DCAF17: variants seen among roughly 807,000 people sequenced by gnomAD.
DCAF17 encodes the protein DDB1- and CUL4-associated factor 17.
DCAF17 carries 48 observed loss-of-function variants against 66.0 expected under a neutral mutation model. That is an observed-to-expected ratio of 0.73 (90% CI 0.58 to 0.92). The LOEUF (loss-of-function observed/expected upper bound fraction) is 0.92, where lower values mean the gene tolerates loss of function less well. Ranked by LOEUF, DCAF17 falls within the 40% of genes least tolerant of loss-of-function variation. DCAF17 has a pLI of 0.00. For missense variants in DCAF17, 562 were observed against 622.8 expected, an observed-to-expected ratio of 0.90 and a Z score of 1.04; for synonymous variants, 206 against 214.6, an observed-to-expected ratio of 0.96 and a Z score of 0.35.
rs1258868577 is a variant in DCAF17, at chr2:171,483,405, C to T, written c.*2291C>T. The T allele has an allele frequency of 6.6e-6, 3 of 453,962 alleles. No homozygotes were observed. The highest frequency in any genetic ancestry group is 6.9e-5 in the East Asian group (1 of 14,404). 28.1% of individuals were successfully genotyped at this position (453,962 alleles called of 1,614,324 possible). ...CTTCCATCAGCAGGTACAGACGTTA[C>T]GCTGAAAAGAGGTGCATTCTGCATT... On this transcript the variant is annotated 3_prime_UTR_variant, in exon 14 of 14. Coordinates refer to ENST00000375255, the MANE Select transcript of DCAF17 (RefSeq NM_025000.4).
chr2:171,457,729 A>C (rs975067691), intron 6 of DCAF17, among the ~76,000 whole-genome samples: 1 of 152,208 alleles, frequency 6.6e-6, no homozygotes, highest in Non-Finnish European at 1.5e-5. Context: ...ATGCTGGTGC[A>C]TTATTCTGAG....
At chr2:171,471,322 T>A (rs1040953569) in intron 9 of DCAF17, among the ~76,000 whole-genome samples, 1 of 152,212 alleles carries the variant, frequency 6.6e-6, no homozygotes, top group Non-Finnish European at 1.5e-5. Flanking sequence ...TCAGAAAATG[T>A]TTCATAGCTT....
Position 171,448,772 on chromosome 2 carries a change from G to T in DCAF17, c.413G>T (p.Gly138Val). The T allele has an allele frequency of 6.2e-7, 1 of 1,613,078 alleles. No homozygotes were observed. Among genetic ancestry groups the T allele is most frequent in the Non-Finnish European group, 8.5e-7 (1 of 1,179,488 alleles). ...CTACTTCGTATATCAGCAACTACGG[G>T]AAAAATCCTTGAGAAAATATATCTT... ...NWLLRISATT[G>V]KILEKIYLAP... The change falls in exon 4 of 14, where the codon GGA becomes GTA. Residue 138 changes from glycine to valine, a missense_variant. By Grantham distance (109) the Gly-to-Val change is moderately radical. This residue lies in a region of DCAF17 where 348 missense variants were observed against 355.9 expected (regional missense o/e 0.98). Transcript: ENST00000375255.
chr2:171,457,827 A>G, intron 6 of DCAF17, 144 bp from the exon 7 acceptor site: 1 of 783,646 alleles, frequency 1.3e-6, no homozygotes, highest in Non-Finnish European at 2.3e-6. Flanking sequence ...CCTCAAGGTG[A>G]TAAATTATAA....
intron 2 of DCAF17, 134 bp from the exon 3 acceptor site, chr2:171,443,389 T>C (rs2105736822): frequency 1.6e-6 from 1 of 643,146 alleles, no homozygotes; most frequent in Non-Finnish European, 2.6e-6. Context: ...AAAATATTAA[T>C]ATTTAGTTAA....
intron 8 of DCAF17, among the ~76,000 whole-genome samples, chr2:171,467,289 T>C (rs923667742): frequency 1.3e-5 from 2 of 152,242 alleles, no homozygotes; most frequent in African/African-American, 4.8e-5. Flanking sequence ...AGGTACATGA[T>C]GAGTGCATCA....
chr2:171,437,822 G>A (rs1694059787), intron 2 of DCAF17, among the ~76,000 whole-genome samples: 1 of 151,896 alleles, frequency 6.6e-6, no homozygotes, highest in African/African-American at 2.4e-5. Context: ...AACAGCTTTT[G>A]GTTTTGTTGA....
At chr2:171,464,676 G>C (rs1394865706) in intron 8 of DCAF17, among the ~76,000 whole-genome samples, 1 of 152,114 alleles carries the variant, frequency 6.6e-6, no homozygotes, top group African/African-American at 2.4e-5. Context: ...TGTGTTCATT[G>C]CAGTTGGATA....
At chr2:171,474,548 C>T (rs1696407951) in intron 10 of DCAF17, among the ~76,000 whole-genome samples, 1 of 152,204 alleles carries the variant, frequency 6.6e-6, no homozygotes, top group Admixed American at 6.5e-5. Context: ...CTTAAGCCCT[C>T]TTCTTTTCTC....
At chr2:171,479,970 C>G in intron 12 of DCAF17, 68 bp from the exon 13 acceptor site, 2 of 1,552,152 alleles carry the variant, frequency 1.3e-6, no homozygotes, top group Non-Finnish European at 1.8e-6. Context: ...ACTATAAATA[C>G]AGAAATAAGC....
At chr2:171,436,407 T>C (rs1693956346) in intron 2 of DCAF17, among the ~76,000 whole-genome samples, 1 of 152,230 alleles carries the variant, frequency 6.6e-6, no homozygotes, top group Non-Finnish European at 1.5e-5. Flanking sequence ...GCCATACACT[T>C]TTCTAAAGTG....
At position 171,482,623 on chromosome 2, in the gene DCAF17, G is replaced by A. The variant is rs1415087058; in HGVS notation, c.*1509G>A. The A allele has an allele frequency of 1.1e-5, 5 of 453,898 alleles. No individual in the cohort carries two copies. In the East Asian group the frequency reaches 3.5e-4, roughly 32 times the overall value. 28.1% of individuals were successfully genotyped at this position (453,898 alleles called of 1,614,324 possible). ...TAGAGTGTTCATTCTCCATTTCCAA[G>A]AGTGTTTCAGAATAGGATGTCTTAA... On this transcript the variant is annotated 3_prime_UTR_variant, in exon 14 of 14. Transcript: ENST00000375255.
chr2:171,447,690 CAG>C (rs1204472983), intron 3 of DCAF17, among the ~76,000 whole-genome samples: 2 of 152,142 alleles, frequency 1.3e-5, no homozygotes, highest in Non-Finnish European at 2.9e-5. Flanking sequence ...TATCTAGAAA[CAG>C]AGTCTTGCTG....
chr2:171,456,136 A>G (rs573578488), intron 6 of DCAF17, among the ~76,000 whole-genome samples: 1 of 152,098 alleles, frequency 6.6e-6, no homozygotes, highest in Non-Finnish European at 1.5e-5. Context: ...CAGGGTTTTT[A>G]TAGTTTTGGG....
At chr2:171,452,215 A>T (rs1002339273) in intron 5 of DCAF17, among the ~76,000 whole-genome samples, 1 of 152,284 alleles carries the variant, frequency 6.6e-6, no homozygotes, top group South Asian at 2.1e-4. Context: ...TAAAAGTTCT[A>T]TTGAAGCAGA....
At position 171,449,873 on chromosome 2, in the gene DCAF17, T is replaced by TA; in HGVS notation, c.459-2dup. The TA allele has an allele frequency of 6.2e-7, 1 of 1,611,868 alleles. No individual in the cohort carries two copies. Among genetic ancestry groups the TA allele is most frequent in the African/African-American group, 1.3e-5 (1 of 75,012 alleles). ...ATAAATAAACTTCTCTTCATTCTTT[T>TA]AAAAGATACTTGAGCTGGGACACTC... On this transcript the variant is annotated splice_polypyrimidine_tract_variant and splice_region_variant and intron_variant, in intron 4 of 13. Coordinates refer to ENST00000375255, the MANE Select transcript of DCAF17 (RefSeq NM_025000.4).
chr2:171,472,243 G>A (rs150488527), intron 9 of DCAF17, among the ~76,000 whole-genome samples: 83 of 152,002 alleles, frequency 5.5e-4, no homozygotes, highest in Non-Finnish European at 9.9e-4. Flanking sequence ...GCAGTGGCAC[G>A]ATCTCGGCTT....
intron 10 of DCAF17, among the ~76,000 whole-genome samples, chr2:171,474,733 A>G (rs1196430553): frequency 6.6e-6 from 1 of 152,220 alleles, no homozygotes; most frequent in Non-Finnish European, 1.5e-5. Context: ...ACATACATTT[A>G]AACACTTACA....
chr2:171,479,731 C>T (rs547054118), intron 12 of DCAF17: 2 of 342,248 alleles, frequency 5.8e-6, no homozygotes, highest in Non-Finnish European at 1.1e-5. Context: ...GTTGAATACT[C>T]TTTTAAATTT....
Sources: allele counts gnomAD v4.1 joint callset (sites outside exome capture counted in the v4.1 genomes callset), GRCh38; gene constraint gnomAD v4.1.1; regional missense constraint gnomAD v4.1.1; transcripts MANE v1.5; gene names NCBI Gene and HGNC (gene_info 2026-07-23, HGNC 2026-07-21).